The following FAM98A variants were observed in gnomAD, a reference collection of about 807,000 sequenced individuals.
FAM98A encodes the protein tRNA splicing ligase complex subunit 3A.
In FAM98A, 25 loss-of-function variants were observed where a neutral mutation model predicts 62.9. The observed-to-expected ratio is 0.40, with a 90% confidence interval of 0.29 to 0.56. The LOEUF is 0.56. FAM98A is among the 20% of genes least tolerant of loss of function. The pLI, the probability that FAM98A is intolerant of heterozygous loss-of-function variation, is 0.51. For synonymous variants in FAM98A, 252 were observed against 228.6 expected (o/e 1.10, Z -0.92); for missense variants, 653 against 640.7 (o/e 1.02, Z -0.21).
rs531973401 is a variant in FAM98A, at chr2:33,594,432, G to A, written c.202+1057C>T. On this transcript the variant is annotated intron_variant, in intron 2 of 7. Coordinates refer to ENST00000238823, the MANE Select transcript of FAM98A (RefSeq NM_015475.5). ...GTTGCGGGTTAGAGGGTGAGGAGAG[G>A]GAACTCAGAGGACAGGTCAATAGGT... is the stretch of plus-strand genomic sequence containing the variant. Among the ~76,000 whole-genome samples the A allele has an allele frequency of 2.0e-5, 3 of 150,570 alleles. No individual in the cohort carries two copies. The South Asian group carries it at 6.3e-4, about 32-fold the overall frequency.
At chr2:33,591,557 A>C (rs897316155) in intron 3 of FAM98A, among the ~76,000 whole-genome samples, 1 of 152,224 alleles carries the variant, frequency 6.6e-6, no homozygotes, top group African/African-American at 2.4e-5. Flanking sequence ...TGCAAGTATT[A>C]TTCCAGAATA....
At chr2:33,586,406 T>C (rs1193323489) in intron 6 of FAM98A, among the ~76,000 whole-genome samples, 156 bp downstream of exon 6, 3 of 152,232 alleles carry the variant, frequency 2.0e-5, no homozygotes, top group African/African-American at 4.8e-5. Flanking sequence ...CATTGCTGAA[T>C]AGTTGAAAGA....
At position 33,589,469 on chromosome 2, in the gene FAM98A, G is replaced by GC. The variant is rs768021247; in HGVS notation, c.338-951dup. ...AGTTTTGGGAAAAGATATTTTCAAG[G>GC]CCCTCAGGTCCTATTAGAAGTAGAA... On this transcript the variant is annotated intron_variant, in intron 3 of 7. Transcript: ENST00000238823. 5 of 152,048 alleles carry GC rather than the reference G, an allele frequency of 3.3e-5. No homozygotes were observed. In the South Asian group the frequency reaches 8.3e-4, roughly 25 times the overall value. 9.4% of individuals were successfully genotyped at this position (152,048 alleles called of 1,614,324 possible). A position where few individuals can be genotyped will look rare whatever the true frequency, so the allele number is the denominator to read the frequency against.
chr2:33,598,476 CAGG>C (rs1308250552), intron 1 of FAM98A, among the ~76,000 whole-genome samples: 1 of 152,148 alleles, frequency 6.6e-6, no homozygotes, highest in Non-Finnish European at 1.5e-5. Context: ...GAATAAATAT[CAGG>C]AGAAGGAGAG....
At chr2:33,587,121 C>T (rs1162624490) in intron 5 of FAM98A, 119 bp downstream of exon 5, 1 of 648,726 alleles carries the variant, frequency 1.5e-6, no homozygotes, top group Non-Finnish European at 2.7e-6. Context: ...TAAGGGTGTT[C>T]AACTAGAAAA....
At position 33,595,541 on chromosome 2, in the gene FAM98A, C is replaced by G. The variant is rs560106276; in HGVS notation, c.150G>C (p.Val50=). Residue 50 remains valine, a synonymous_variant, in exon 2 of 8, where the codon GTG becomes GTC. Coordinates refer to ENST00000238823, the MANE Select transcript of FAM98A (RefSeq NM_015475.5). ...GTTTACAGAGCACTCTTAATTCAGA[C>G]ACCAGCCAAGCACAGAGTTTGGTAA... ...PEFTKLCAWL[V]SELRVLCKLE... 15 of 1,610,548 alleles carry G rather than the reference C, an allele frequency of 9.3e-6. No homozygotes were observed. Among genetic ancestry groups the G allele is most frequent in the African/African-American group, 8.0e-5 (6 of 74,708 alleles).
chr2:33,591,868 T>C (rs1313234291), intron 3 of FAM98A: 50 of 423,254 alleles, frequency 1.2e-4, no homozygotes, highest in East Asian at 1.8e-4. Flanking sequence ...GGCTGAAATA[T>C]TGAAAGAGTA....
At position 33,584,627 on chromosome 2, in the gene FAM98A, A is replaced by G. The variant is rs76037472; in HGVS notation, c.*149T>C. 8.0e-4 allele frequency: 545 copies of G among 679,506 alleles called. 2 individuals carry two copies. The African/African-American group carries it at 9.0e-3, about 11-fold the overall frequency. The allele number at this position is 679,506 out of a possible 1,614,324, so 42.1% of individuals were successfully genotyped here. ...AAGTCCAATAAAAAAATCTAACAGA[A>G]TTGAATGAAGACCTACAAATGCTTA... On this transcript the variant is annotated 3_prime_UTR_variant, in exon 8 of 8. Transcript: ENST00000238823.
At chr2:33,598,539 G>A (rs887300324) in intron 1 of FAM98A, among the ~76,000 whole-genome samples, 1 of 152,212 alleles carries the variant, frequency 6.6e-6, no homozygotes, top group Non-Finnish European at 1.5e-5. Context: ...AGACGACCCT[G>A]GTCTAATGGG....
chr2:33,587,169 G>C (rs562840081), intron 5 of FAM98A, 71 bp downstream of exon 5: 1 of 935,674 alleles, frequency 1.1e-6, no homozygotes, highest in Non-Finnish European at 1.7e-6. Context: ...AGCACAAAAT[G>C]TAAGTGTTGA....
At chr2:33,586,777 C>CAAAAGTTAA in intron 5 of FAM98A, 99 bp from the exon 6 acceptor site, 3 of 729,670 alleles carry the variant, frequency 4.1e-6, no homozygotes, top group Admixed American at 2.2e-5. Flanking sequence ...AACTGAGATC[C>CAAAAGTTAA]CGGCCATTTA....
At chr2:33,595,344 G>A in intron 2 of FAM98A, 145 bp downstream of exon 2, 3 of 592,978 alleles carry the variant, frequency 5.1e-6, no homozygotes, top group East Asian at 3.7e-5. Flanking sequence ...TAAAAACAAC[G>A]GACGGAAAAA....
In FAM98A at chr2:33,599,253, A is replaced by G. The variant is rs200955134; in HGVS notation, c.-32T>C. 6.3e-7 allele frequency: 1 copy of G among 1,592,454 alleles called. No homozygotes were observed. On this transcript the variant is annotated 5_prime_UTR_variant, in exon 1 of 8. Coordinates refer to ENST00000238823, the MANE Select transcript of FAM98A (RefSeq NM_015475.5). ...GTGGTATTCAAATTTCCGAGTCGTC[A>G]GGCTCCCCTCTTCGCCGGCAACGCG...
intron 1 of FAM98A, among the ~76,000 whole-genome samples, chr2:33,597,425 A>G (rs553644845): frequency 1.2e-4 from 19 of 152,344 alleles, no homozygotes; most frequent in Admixed American, 1.0e-3. Context: ...CTGACTTTTA[A>G]TATTTGAATG....
chr2:33,594,696 CATATATATAT>C lies in FAM98A; in HGVS notation c.202+783_202+792del, dbSNP rs71412864. On this transcript the variant is annotated intron_variant, in intron 2 of 7. Transcript: ENST00000238823. Reference sequence around the variant, plus strand: ...ATATATATACACACATATATATACACATATATATATACACACACACACACACACACTAGCA... The same window carrying C: ...ATATATATACACACATATATATACACACACACACACACACACACACTAGCA... 5.4e-3 allele frequency among the ~76,000 whole-genome samples: 80 copies of C among 14,864 alleles called. 10 individuals are homozygous for C. Among genetic ancestry groups the C allele is most frequent in the Admixed American group, 0.011 (12 of 1,106 alleles). 9.8% of individuals were successfully genotyped at this position (14,864 alleles called of 152,430 possible).
At chr2:33,589,144 T>G (rs1305387207) in intron 3 of FAM98A, 1 of 152,224 alleles carries the variant, frequency 6.6e-6, no homozygotes, top group Non-Finnish European at 1.5e-5. Context: ...TTCTCAGGAC[T>G]CCCTTCCCCC....
intron 1 of FAM98A, among the ~76,000 whole-genome samples, chr2:33,595,932 G>A (rs1315403330): frequency 6.6e-6 from 1 of 151,980 alleles, no homozygotes; most frequent in Non-Finnish European, 1.5e-5. Flanking sequence ...AGCTTCCATT[G>A]TAAAAAGATT....
intron 4 of FAM98A, 112 bp downstream of exon 4, chr2:33,588,220 TTAA>T: frequency 3.7e-6 from 3 of 800,364 alleles, no homozygotes; most frequent in Non-Finnish European, 6.0e-6. Flanking sequence ...TAACAATTAC[TTAA>T]TAATATATGC....
At chr2:33,593,234 T>A (rs973163735) in intron 2 of FAM98A, among the ~76,000 whole-genome samples, 7 of 152,062 alleles carry the variant, frequency 4.6e-5, no homozygotes, top group African/African-American at 1.7e-4. Context: ...CAAAACCCCG[T>A]CTCTAAGAAA....
Sources: gnomAD v4.1 joint callset for allele counts (sites outside exome capture counted in the v4.1 genomes callset) on GRCh38, gnomAD v4.1.1 for gene constraint, MANE v1.5 for transcripts, NCBI Gene and HGNC (gene_info 2026-07-23, HGNC 2026-07-21) for gene names.